MACROD2: variants seen among roughly 807,000 people sequenced by gnomAD.
The protein encoded by MACROD2 is ADP-ribose glycohydrolase MACROD2.
MACROD2 carries 36 observed loss-of-function variants against 70.4 expected under a neutral mutation model. The ratio of observed to expected loss-of-function variants is 0.51; its 90% confidence interval spans 0.39 to 0.68. The LOEUF (loss-of-function observed/expected upper bound fraction) is 0.68. Ranked by LOEUF, MACROD2 falls within the 30% of genes least tolerant of loss-of-function variation. MACROD2 has a pLI of 0.00. For missense variants in MACROD2, 496 were observed against 538.4 expected (o/e 0.92, Z 0.78); for synonymous variants, 172 against 178.8 (o/e 0.96, Z 0.30).
intron 3 of MACROD2, among the ~76,000 whole-genome samples, chr20:14,180,215 A>C (rs1297934327): frequency 1.3e-5 from 2 of 148,972 alleles, no homozygotes; most frequent in African/African-American, 2.5e-5. Context: ...AGCGAGGGAG[A>C]AAAAAAAAAG....
At chr20:14,293,928 C>A (rs535112362) in intron 3 of MACROD2, among the ~76,000 whole-genome samples, 1 of 151,930 alleles carries the variant, frequency 6.6e-6, no homozygotes, top group Admixed American at 6.5e-5. Context: ...TTTCCAGCAG[C>A]ATTGCATTAT....
chr20:15,167,489 A>T (rs952350844), intron 5 of MACROD2, among the ~76,000 whole-genome samples: 3 of 152,184 alleles, frequency 2.0e-5, no homozygotes, highest in African/African-American at 7.2e-5. Flanking sequence ...AGAAGAGATC[A>T]GCAAAAAATT....
chr20:14,055,434 C>CT (rs1297784521), intron 2 of MACROD2, among the ~76,000 whole-genome samples: 1 of 142,872 alleles, frequency 7.0e-6, no homozygotes, highest in African/African-American at 2.6e-5. Flanking sequence ...TTGGTGTTCT[C>CT]TTTTATTGCT....
chr20:14,877,245 G>T (rs2073561176), intron 5 of MACROD2, among the ~76,000 whole-genome samples: 1 of 151,828 alleles, frequency 6.6e-6, no homozygotes, highest in Non-Finnish European at 1.5e-5. Flanking sequence ...TCTTGATTTG[G>T]CTCTCAGGTT....
chr20:14,257,139 A>G (rs1344135142), intron 3 of MACROD2, among the ~76,000 whole-genome samples: 1 of 152,218 alleles, frequency 6.6e-6, no homozygotes, highest in Non-Finnish European at 1.5e-5. Context: ...TTTACCCTGC[A>G]CCAATAAGGT....
intron 3 of MACROD2, among the ~76,000 whole-genome samples, chr20:14,205,542 G>T (rs889497234): frequency 6.6e-6 from 1 of 152,180 alleles, no homozygotes; most frequent in Non-Finnish European, 1.5e-5. Flanking sequence ...GCGCATGCGG[G>T]CCCTTAGTCT....
intron 6 of MACROD2, among the ~76,000 whole-genome samples, chr20:15,272,284 A>G (rs928691519): frequency 6.6e-6 from 1 of 152,198 alleles, no homozygotes; most frequent in Non-Finnish European, 1.5e-5. Context: ...TATTCATTAA[A>G]ATGTTTTTCA....
intron 5 of MACROD2, among the ~76,000 whole-genome samples, chr20:14,701,394 A>G (rs2071194907): frequency 6.6e-6 from 1 of 152,114 alleles, no homozygotes; most frequent in Admixed American, 6.5e-5. Flanking sequence ...GAACATTTAT[A>G]CTTCTAAAAA....
At chr20:15,607,829 C>A (rs754266329) in intron 8 of MACROD2, among the ~76,000 whole-genome samples, 2 of 152,066 alleles carry the variant, frequency 1.3e-5, no homozygotes, top group Non-Finnish European at 2.9e-5. Flanking sequence ...TTACCGCGCC[C>A]GGCTGCAATA....
At chr20:15,189,923 T>C (rs553365772) in intron 5 of MACROD2, among the ~76,000 whole-genome samples, 116 of 152,214 alleles carry the variant, frequency 7.6e-4, no homozygotes, top group African/African-American at 2.8e-3. Flanking sequence ...TGAAGGTGCA[T>C]TAACCTTAGG....
At chr20:15,794,375 T>C (rs1253173076) in intron 8 of MACROD2, among the ~76,000 whole-genome samples, 2 of 152,234 alleles carry the variant, frequency 1.3e-5, no homozygotes, top group African/African-American at 2.4e-5. Context: ...CAAACAAATA[T>C]GAAATAGCTA....
intron 3 of MACROD2, among the ~76,000 whole-genome samples, chr20:14,229,797 C>T (rs1344314813): frequency 2.0e-5 from 3 of 152,142 alleles, no homozygotes; most frequent in Admixed American, 2.0e-4. Context: ...GTAGAAGCAA[C>T]CAAGATGTCC....
intron 5 of MACROD2, among the ~76,000 whole-genome samples, chr20:15,046,180 A>T (rs1035341460): frequency 1.4e-5 from 2 of 145,088 alleles, no homozygotes; most frequent in South Asian, 2.1e-4. Context: ...GGTAAAAATT[A>T]AAAAATACAT....
In MACROD2 at chr20:15,380,612, A is replaced by G. The variant is rs1043887021; in HGVS notation, c.541-50793A>G. Among the ~76,000 whole-genome samples the G allele has an allele frequency of 4.6e-5, 7 of 152,292 alleles. No individual in the cohort carries two copies. In the South Asian group the frequency reaches 1.0e-3, roughly 23 times the overall value. On this transcript the variant is annotated intron_variant, in intron 6 of 17. Transcript: ENST00000684519. ...ACCTAAGTCAACTGGTAGGAATACT[A>G]CATACACAGTGATGTATTACTTGCT...
intron 8 of MACROD2, among the ~76,000 whole-genome samples, chr20:15,511,111 G>T (rs913481145): frequency 6.6e-6 from 1 of 152,200 alleles, no homozygotes. Flanking sequence ...AGCAAAGGTT[G>T]CAGCCACCCA....
chr20:15,665,922 C>A (rs2049891135), intron 8 of MACROD2, among the ~76,000 whole-genome samples: 1 of 151,836 alleles, frequency 6.6e-6, no homozygotes. Flanking sequence ...TCTGACGTCC[C>A]AGATCTTCAT....
chr20:14,914,025 G>A (rs1182135728), intron 5 of MACROD2, among the ~76,000 whole-genome samples: 1 of 152,140 alleles, frequency 6.6e-6, no homozygotes, highest in Admixed American at 6.5e-5. Context: ...TAAGCAATTT[G>A]CAGCCTTCCT....
chr20:14,139,410 A>G (rs940813459), intron 3 of MACROD2, among the ~76,000 whole-genome samples: 1 of 152,234 alleles, frequency 6.6e-6, no homozygotes, highest in Non-Finnish European at 1.5e-5. Flanking sequence ...TCAAACACAG[A>G]TATTTCTGAC....
chr20:14,728,440 C>T (rs1057189601), intron 5 of MACROD2, among the ~76,000 whole-genome samples: 3 of 152,088 alleles, frequency 2.0e-5, no homozygotes, highest in East Asian at 1.9e-4. Context: ...ATATAGCATA[C>T]GTAATAGCTA....
Sources: allele counts gnomAD v4.1 joint callset (sites outside exome capture counted in the v4.1 genomes callset), GRCh38; gene constraint gnomAD v4.1.1; transcripts MANE v1.5; gene names NCBI Gene and HGNC (gene_info 2026-07-23, HGNC 2026-07-21).